RNLS: variants seen among roughly 807,000 people sequenced by gnomAD.
RNLS encodes renalase, FAD dependent amine oxidase, also known as renalase.
A neutral mutation model predicts 39.8 loss-of-function variants in RNLS; 39 were observed. The ratio of observed to expected loss-of-function variants is 0.98; its 90% CI spans 0.76 to 1.28. RNLS has a LOEUF of 1.28. Ranked by LOEUF, RNLS falls within the 50% of genes most tolerant of loss-of-function variation. The pLI is 0.00. For synonymous variants in RNLS, 147 were observed against 150.7 expected, an observed-to-expected ratio of 0.98 and a Z score of 0.18; for missense variants, 410 against 413.3, an observed-to-expected ratio of 0.99 and a Z score of 0.07.
chr10:88,537,862 GATATT>G (rs1847848543), intron 4 of RNLS, among the ~76,000 whole-genome samples: 2 of 152,174 alleles, frequency 1.3e-5, no homozygotes, highest in African/African-American at 4.8e-5. Flanking sequence ...TTTCTATATG[GATATT>G]ATATTTGAAT....
intron 4 of RNLS, among the ~76,000 whole-genome samples, chr10:88,404,669 G>C (rs1008579315): frequency 6.6e-6 from 1 of 151,954 alleles, no homozygotes; most frequent in Non-Finnish European, 1.5e-5. Flanking sequence ...GCAAAATAAT[G>C]CTACTGTGGA....
chr10:88,401,829 T>C (rs79065028), intron 4 of RNLS, among the ~76,000 whole-genome samples: 6,883 of 151,956 alleles, frequency 0.045, 241 homozygotes, highest in African/African-American at 0.095. Context: ...GCTGCTGAAT[T>C]GGGAGGGTGT....
intron 4 of RNLS, among the ~76,000 whole-genome samples, chr10:88,539,747 T>A (rs1847949367): frequency 6.6e-6 from 1 of 152,112 alleles, no homozygotes. Context: ...GATTTTAGAG[T>A]CAATATAACA....
intron 4 of RNLS, among the ~76,000 whole-genome samples, chr10:88,414,093 T>G (rs1245155339): frequency 1.3e-5 from 2 of 151,634 alleles, no homozygotes; most frequent in Non-Finnish European, 2.9e-5. Flanking sequence ...TAGGAAGTTT[T>G]TGTTTGTTTA....
At chr10:88,404,299 C>T (rs575646430) in intron 4 of RNLS, among the ~76,000 whole-genome samples, 2 of 152,218 alleles carry the variant, frequency 1.3e-5, no homozygotes, top group South Asian at 4.1e-4. Flanking sequence ...AATCCTGCCT[C>T]TGTTCCCAAG....
At chr10:88,386,564 TTAGG>T (rs1272824870) in intron 4 of RNLS, among the ~76,000 whole-genome samples, 1 of 152,208 alleles carries the variant, frequency 6.6e-6, no homozygotes, top group Non-Finnish European at 1.5e-5. Flanking sequence ...TCAAACGTCT[TTAGG>T]GTTTTGGAAG....
At chr10:88,294,140 G>A (rs117745301) in intron 6 of RNLS, among the ~76,000 whole-genome samples, 1,562 of 152,116 alleles carry the variant, frequency 0.01, 14 homozygotes, top group Non-Finnish European at 0.015. Context: ...GAGTGAATGC[G>A]GTTCATATTG....
chr10:88,266,841 G>A, the RNLS span, among the ~76,000 whole-genome samples: 1 of 131,000 alleles, frequency 7.6e-6, no homozygotes, highest in South Asian at 2.6e-4. Flanking sequence ...AAGAGAACCT[G>A]CTGTGAGAAA....
intron 5 of RNLS, among the ~76,000 whole-genome samples, chr10:88,326,666 C>G (rs1232043873): frequency 6.6e-6 from 1 of 152,150 alleles, no homozygotes; most frequent in Non-Finnish European, 1.5e-5. Context: ...GAAAACAACC[C>G]ATTTTCTGGG....
the RNLS span, among the ~76,000 whole-genome samples, chr10:88,202,552 C>G: frequency 6.6e-6 from 1 of 152,180 alleles, no homozygotes; most frequent in East Asian, 1.9e-4. Flanking sequence ...GCCCTGGTAG[C>G]CAGGGTCCTT....
the RNLS span, among the ~76,000 whole-genome samples, chr10:88,247,585 A>C: frequency 6.6e-6 from 1 of 152,200 alleles, no homozygotes; most frequent in Non-Finnish European, 1.5e-5. Flanking sequence ...TGTGGTAAGG[A>C]TTAAGTGAAG....
Position 88,355,605 on chromosome 10 carries a change from C to T in RNLS, c.700+6947G>A, listed in dbSNP as rs117430251. 7.0e-3 allele frequency among the ~76,000 whole-genome samples: 1,059 copies of T among 152,236 alleles called. 16 individuals are homozygous for T. The highest frequency in any genetic ancestry group is 0.019 in the East Asian group (99 of 5,176). ...CTCAGCAGGATACCTGGCCGTGTGA[C>T]GTGTCAGTCTGCCCCTACTGAGGGG... On this transcript the variant is annotated intron_variant, in intron 5 of 6. Transcript: ENST00000331772.
chr10:88,372,437 T>A (rs539714828), intron 4 of RNLS, among the ~76,000 whole-genome samples: 3 of 152,264 alleles, frequency 2.0e-5, no homozygotes, highest in African/African-American at 7.2e-5. Flanking sequence ...TGGTTTTTCA[T>A]AAAATCTTAT....
At chr10:88,350,110 T>C (rs973782704) in intron 5 of RNLS, among the ~76,000 whole-genome samples, 8 of 152,076 alleles carry the variant, frequency 5.3e-5, no homozygotes, top group African/African-American at 1.9e-4. Flanking sequence ...TTTCCTTCTC[T>C]CCTTTTCCCT....
At chr10:88,519,073 A>G (rs933348283) in intron 4 of RNLS, among the ~76,000 whole-genome samples, 1 of 152,098 alleles carries the variant, frequency 6.6e-6, no homozygotes, top group African/African-American at 2.4e-5. Context: ...TTTAAAAAGC[A>G]TCTGAGTCCT....
At chr10:88,273,244 G>A (rs1842700135), downstream of RNLS, among the ~76,000 whole-genome samples, 1 of 152,076 alleles carries the variant, frequency 6.6e-6, no homozygotes, top group African/African-American at 2.4e-5. Flanking sequence ...CTCAACACAA[G>A]GCCAATTGGC....
intron 5 of RNLS, among the ~76,000 whole-genome samples, chr10:88,330,062 T>C (rs961601152): frequency 7.3e-6 from 1 of 136,486 alleles, no homozygotes; most frequent in Non-Finnish European, 1.6e-5. Context: ...GTTTTCTGTC[T>C]GTTTTGAGAT....
chr10:88,543,667 G>A (rs1167139510), intron 4 of RNLS, among the ~76,000 whole-genome samples: 1 of 152,026 alleles, frequency 6.6e-6, no homozygotes, highest in Non-Finnish European at 1.5e-5. Flanking sequence ...AAAAAACTTC[G>A]TATGTCTCAA....
intron 4 of RNLS, among the ~76,000 whole-genome samples, chr10:88,392,484 A>G (rs1257522643): frequency 6.6e-6 from 1 of 152,246 alleles, no homozygotes; most frequent in Non-Finnish European, 1.5e-5. Flanking sequence ...AAATGCACAC[A>G]GAGCCCTTAG....
Sources: gnomAD v4.1 joint callset for allele counts (sites outside exome capture counted in the v4.1 genomes callset) on GRCh38, gnomAD v4.1.1 for gene constraint, MANE v1.5 for transcripts, NCBI Gene and HGNC (gene_info 2026-07-23, HGNC 2026-07-21) for gene names.